The following SETBP1 variants were observed in gnomAD, a reference collection of about 807,000 sequenced individuals.
SETBP1 encodes the protein SET binding protein 1, also known as SET-binding protein.
SETBP1 carries 9 observed loss-of-function variants against 101.0 expected under a neutral mutation model. That is an observed-to-expected ratio of 0.09 (90% CI 0.05 to 0.16). The LOEUF is 0.16. Ranked by LOEUF, SETBP1 falls within the 10% of genes least tolerant of loss-of-function variation. The pLI, the probability that SETBP1 is intolerant of heterozygous loss-of-function variation, is 1.00. For synonymous variants in SETBP1, 818 were observed against 788.5 expected (o/e 1.04, Z -0.63); for missense variants, 1,858 against 2,033.8 (o/e 0.91, Z 1.66).
intron 3 of SETBP1, among the ~76,000 whole-genome samples, chr18:44,882,044 C>T (rs569746841): frequency 3.9e-5 from 6 of 152,018 alleles, no homozygotes; most frequent in Admixed American, 2.0e-4. Context: ...AATGGGGGTG[C>T]GGGGGTTTTC....
At chr18:45,056,971 T>C (rs1568055117) in intron 5 of SETBP1, among the ~76,000 whole-genome samples, 1 of 152,232 alleles carries the variant, frequency 6.6e-6, no homozygotes, top group Non-Finnish European at 1.5e-5. Flanking sequence ...AAGCAGTTAC[T>C]ATGCTTTAAA....
chr18:44,776,367 TG>T (rs2071003693), intron 2 of SETBP1, among the ~76,000 whole-genome samples: 3 of 152,302 alleles, frequency 2.0e-5, no homozygotes, highest in Admixed American at 6.5e-5. Flanking sequence ...CAGGCTAGAT[TG>T]TTTTTTTTCT....
chr18:44,955,976 T>C (rs1046693614), intron 4 of SETBP1, among the ~76,000 whole-genome samples: 29 of 152,332 alleles, frequency 1.9e-4, no homozygotes, highest in Middle Eastern at 3.4e-3. Context: ...GGAGACACCA[T>C]GGACAGAGCT....
At chr18:44,990,112 A>T (rs928535262) in intron 4 of SETBP1, among the ~76,000 whole-genome samples, 3 of 152,006 alleles carry the variant, frequency 2.0e-5, no homozygotes, top group Non-Finnish European at 4.4e-5. Context: ...CATCTTTCAA[A>T]CGCAAGAATA....
chr18:44,762,825 C>T (rs1314743012), intron 2 of SETBP1, among the ~76,000 whole-genome samples: 1 of 152,202 alleles, frequency 6.6e-6, no homozygotes, highest in African/African-American at 2.4e-5. Flanking sequence ...CTGAACTGAA[C>T]TCAACTATTG....
rs2073973113 is a variant in SETBP1, at chr18:45,066,783, G to T, written c.*3085G>T. ...CTTGATTTTTATTTCTTTTTCTTTT[G>T]TTTTCTGGATTACCTGCCTTCAGTA... On this transcript the variant is annotated 3_prime_UTR_variant, in exon 6 of 6. Coordinates refer to ENST00000649279, the MANE Select transcript of SETBP1 (RefSeq NM_015559.3). 1 of 148,850 alleles carries T rather than the reference G, an allele frequency of 6.7e-6. No homozygotes were observed. Among genetic ancestry groups the T allele is most frequent in the African/African-American group, 2.5e-5 (1 of 40,174 alleles). 9.2% of individuals were successfully genotyped at this position (148,850 alleles called of 1,614,324 possible).
chr18:44,926,210 G>T (rs2070701347), intron 3 of SETBP1, among the ~76,000 whole-genome samples: 2 of 152,128 alleles, frequency 1.3e-5, no homozygotes, highest in Non-Finnish European at 2.9e-5. Context: ...TGAGATTACA[G>T]GTGTGAGCCA....
chr18:44,767,029 A>G (rs2070775461), intron 2 of SETBP1, among the ~76,000 whole-genome samples: 3 of 152,198 alleles, frequency 2.0e-5, no homozygotes, highest in Admixed American at 2.0e-4. Context: ...ATTTCCTTTC[A>G]TTGTGGTTTC....
At chr18:44,998,056 C>G (rs897587526) in intron 4 of SETBP1, among the ~76,000 whole-genome samples, 1 of 152,154 alleles carries the variant, frequency 6.6e-6, no homozygotes, top group Non-Finnish European at 1.5e-5. Context: ...AGTGAGAGGC[C>G]GTTTAGCAGC....
intron 3 of SETBP1, among the ~76,000 whole-genome samples, chr18:44,886,301 A>T (rs2069646370): frequency 6.6e-6 from 1 of 152,046 alleles, no homozygotes; most frequent in Non-Finnish European, 1.5e-5. Context: ...TCCAGTAGAG[A>T]TGAGACCTCC....
At chr18:44,874,016 C>T (rs984610727) in intron 3 of SETBP1, among the ~76,000 whole-genome samples, 2 of 152,190 alleles carry the variant, frequency 1.3e-5, no homozygotes, top group African/African-American at 4.8e-5. Context: ...TGCACCCCAG[C>T]GTGCCACTGG....
At position 44,929,216 on chromosome 18, in the gene SETBP1, G is replaced by T. The variant is rs1031190685; in HGVS notation, c.541-20665G>T. Among the ~76,000 whole-genome samples, 4 of 152,150 alleles carry T rather than the reference G, an allele frequency of 2.6e-5. No homozygotes were observed. The South Asian group carries it at 8.3e-4, about 32-fold the overall frequency. On this transcript the variant is annotated intron_variant, in intron 3 of 5. Transcript: ENST00000649279. ...AATCCTTTCCCCATTTCTTGTTTTT[G>T]TCAGGTTTGTCAAAGATCAGATGGT... is the stretch of plus-strand genomic sequence containing the variant.
intron 2 of SETBP1, among the ~76,000 whole-genome samples, chr18:44,826,386 C>G (rs1331749580): frequency 6.6e-6 from 1 of 152,132 alleles, no homozygotes; most frequent in Non-Finnish European, 1.5e-5. Flanking sequence ...TGGGTCTGCC[C>G]CCATCTAGGG....
intron 2 of SETBP1, among the ~76,000 whole-genome samples, chr18:44,861,920 G>C (rs1488881488): frequency 6.6e-6 from 1 of 152,144 alleles, no homozygotes; most frequent in East Asian, 1.9e-4. Flanking sequence ...AAGTTTCTTT[G>C]GGTTCATTAA....
intron 2 of SETBP1, among the ~76,000 whole-genome samples, chr18:44,849,912 T>C (rs1288788653): frequency 6.6e-6 from 1 of 152,048 alleles, no homozygotes; most frequent in East Asian, 1.9e-4. Context: ...CCATACTGAG[T>C]AATTATTTAT....
chr18:44,977,855 G>A (rs2072025151), intron 4 of SETBP1, among the ~76,000 whole-genome samples: 3 of 152,130 alleles, frequency 2.0e-5, no homozygotes, highest in Admixed American at 2.0e-4. Context: ...ATTCAGGAGT[G>A]ACTGATCTTT....
Position 45,055,668 on chromosome 18 carries a change from A to G in SETBP1, c.4172-7411A>G, listed in dbSNP as rs181413114. On this transcript the variant is annotated intron_variant, in intron 5 of 5. Transcript: ENST00000649279. ...ATATTTCACATACACGTAGATTCAA[A>G]AGAATAAAGTACATTGTTGACTGTG... is the stretch of plus-strand genomic sequence containing the variant. Among the ~76,000 whole-genome samples the G allele has an allele frequency of 1.4e-3, 211 of 152,302 alleles. 2 individuals are homozygous for G. The highest frequency in any genetic ancestry group is 7.8e-4 in the Admixed American group (12 of 15,300).
At chr18:44,760,616 T>A (rs899481374) in intron 2 of SETBP1, among the ~76,000 whole-genome samples, 31 of 152,334 alleles carry the variant, frequency 2.0e-4, no homozygotes, top group African/African-American at 7.5e-4. Flanking sequence ...CTCTAGCCCC[T>A]GCCAATCCAA....
Position 44,950,876 on chromosome 18 carries a change from C to T in SETBP1, c.1536C>T (p.His512=), listed in dbSNP as rs763659050. 64 of 1,614,052 alleles carry T rather than the reference C, an allele frequency of 4.0e-5. No individual in the cohort carries two copies. The East Asian group carries it at 1.4e-3, about 35-fold the overall frequency. ...MVMTPPTCTD[H]SPSRKLPEIQ... Reference sequence around the variant, plus strand: ...TGACACCTCCAACGTGCACAGATCACTCTCCATCCAGAAAGCTGCCAGAAA... The same window carrying T: ...TGACACCTCCAACGTGCACAGATCATTCTCCATCCAGAAAGCTGCCAGAAA... Residue 512 remains histidine (H), a synonymous_variant, in exon 4 of 6, where the codon CAC becomes CAT. Transcript: ENST00000649279.
Sources: gnomAD v4.1 joint callset for allele counts (sites outside exome capture counted in the v4.1 genomes callset) on GRCh38, gnomAD v4.1.1 for gene constraint, MANE v1.5 for transcripts, NCBI Gene and HGNC (gene_info 2026-07-23, HGNC 2026-07-21) for gene names.